TRPM7: variants seen among roughly 807,000 people sequenced by gnomAD.
TRPM7 encodes the protein LTRPC ion channel family member 7.
In TRPM7, 134 loss-of-function variants were observed where a neutral mutation model predicts 229.7. The ratio of observed to expected loss-of-function variants is 0.58; its 90% CI spans 0.51 to 0.67. TRPM7 has a LOEUF of 0.67. Ranked by LOEUF, TRPM7 falls within the 30% of genes least tolerant of loss-of-function variation. The pLI, the probability that TRPM7 is intolerant of heterozygous loss-of-function variation, is 0.00. For synonymous variants in TRPM7, 699 were observed against 715.2 expected, an observed-to-expected ratio of 0.98 and a Z score of 0.36; for missense variants, 1,901 against 2,210.0, an observed-to-expected ratio of 0.86 and a Z score of 2.80.
intron 27 of TRPM7, among the ~76,000 whole-genome samples, chr15:50,588,829 T>G (rs991363356): frequency 6.6e-6 from 1 of 152,258 alleles, no homozygotes; most frequent in Non-Finnish European, 1.5e-5. Flanking sequence ...TTTTGCCAGC[T>G]GTTCTACATA....
intron 31 of TRPM7, among the ~76,000 whole-genome samples, chr15:50,576,724 T>G (rs943218528): frequency 6.6e-6 from 1 of 152,208 alleles, no homozygotes; most frequent in Non-Finnish European, 1.5e-5. Context: ...TACAAATGAT[T>G]TGAATATGCA....
intron 16 of TRPM7, among the ~76,000 whole-genome samples, chr15:50,611,655 G>A (rs2060065500): frequency 6.6e-6 from 1 of 152,152 alleles, no homozygotes; most frequent in South Asian, 2.1e-4. Context: ...TTCAAACACA[G>A]AAAACAGTTG....
chr15:50,620,815 C>A (rs1272875451), intron 12 of TRPM7, among the ~76,000 whole-genome samples: 1 of 152,024 alleles, frequency 6.6e-6, no homozygotes, highest in Non-Finnish European at 1.5e-5. Context: ...GCCTTTAATT[C>A]CAGGTACTCG....
intron 13 of TRPM7, 112 bp from the exon 14 acceptor site, chr15:50,614,375 G>T: frequency 9.7e-7 from 1 of 1,029,712 alleles, no homozygotes; most frequent in Non-Finnish European, 1.4e-6. Context: ...CTTCTTATAA[G>T]AAGCAAGGGC....
At chr15:50,585,281 T>C (rs1392435709) in intron 28 of TRPM7, among the ~76,000 whole-genome samples, 1 of 152,190 alleles carries the variant, frequency 6.6e-6, no homozygotes, top group African/African-American at 2.4e-5. Flanking sequence ...CAGGATGGTC[T>C]TGAACTCCTG....
intron 38 of TRPM7, among the ~76,000 whole-genome samples, chr15:50,567,578 A>G (rs1359907521): frequency 6.6e-6 from 1 of 152,172 alleles, no homozygotes; most frequent in Non-Finnish European, 1.5e-5. Context: ...TCAACCTATT[A>G]TTGAAAACTG....
In TRPM7 at chr15:50,574,995, C is replaced by T; in HGVS notation, c.4876G>A (p.Ala1626Thr). ...KEEMGGGLRRAVKVQCTWSEH... is the reference protein window; with the variant it reads ...KEEMGGGLRRTVKVQCTWSEH... ...GACCAGGTACACTGTACTTTGACAG[C>T]TCTTCGTAAACCTCCTCCCATCTCC... Residue 1626 changes from alanine to threonine, a missense_variant, in exon 34 of 39, where the codon GCT (alanine) becomes ACT (threonine). Physicochemically the swap from Ala to Thr is moderately conservative, Grantham distance 58 (BLOSUM62 0). Coordinates refer to ENST00000646667, the MANE Select transcript of TRPM7 (RefSeq NM_017672.6). The T allele has an allele frequency of 1.2e-6, 2 of 1,614,094 alleles. No individual in the cohort carries two copies. Among genetic ancestry groups the T allele is most frequent in the Non-Finnish European group, 1.7e-6 (2 of 1,179,996 alleles).
intron 19 of TRPM7, 139 bp from the exon 20 acceptor site, chr15:50,607,467 A>G: frequency 1.5e-6 from 1 of 688,404 alleles, no homozygotes; most frequent in Non-Finnish European, 2.3e-6. Flanking sequence ...TATTAAAACA[A>G]TTTTAGAAAT....
At position 50,580,887 on chromosome 15, in the gene TRPM7, A is replaced by G; in HGVS notation, c.4579T>C (p.Ser1527Pro). The G allele has an allele frequency of 2.5e-6, 4 of 1,585,820 alleles. No homozygotes were observed. Among genetic ancestry groups the G allele is most frequent in the Non-Finnish European group, 3.4e-6 (4 of 1,171,016 alleles). The change falls in exon 30 of 39, where the codon TCA (serine) becomes CCA (proline). Residue 1527 changes from serine (S) to proline (P), a missense_variant. Physicochemically the swap from Ser to Pro is moderately conservative, Grantham distance 74. Around this residue, in one of 8 missense-constraint regions of TRPM7, gnomAD observed 533 missense variants for 497.1 expected, o/e 1.07. Coordinates refer to ENST00000646667, the MANE Select transcript of TRPM7 (RefSeq NM_017672.6). ...AAGCTTACTTACATTTCTCTGTTTG[A>G]TGGTCTATCTTGTAACCAATCCTTC... ...LIPDWLQDRPSNREMPSEEGT... is the reference protein window; with the variant it reads ...LIPDWLQDRPPNREMPSEEGT...
rs1225785772 is a variant in TRPM7 at position 50,574,643 on chromosome 15, G to A, written c.5096C>T (p.Ser1699Phe). ...AAAAAAATTAAAGATTTACCTTGGA[G>A]AATATGGTATGGATTTGGGTTTCAT... ...NQMKPKSIPYSPRFLEVFLLY... is the reference protein window; with the variant it reads ...NQMKPKSIPYFPRFLEVFLLY... The change falls in exon 35 of 39, where the codon TCT becomes TTT. Residue 1699 changes from serine (S) to phenylalanine (F), a missense_variant. This residue lies in a region of TRPM7 where 257 missense variants were observed against 352.0 expected (regional missense o/e 0.73). Transcript: ENST00000646667. 1 of 1,612,522 alleles carries A rather than the reference G, an allele frequency of 6.2e-7. No individual in the cohort carries two copies. Among genetic ancestry groups the A allele is most frequent in the Non-Finnish European group, 8.5e-7 (1 of 1,179,358 alleles).
intron 10 of TRPM7, 44 bp from the exon 11 acceptor site, chr15:50,628,293 C>T (rs1567039297): frequency 7.2e-7 from 1 of 1,389,106 alleles, no homozygotes; most frequent in South Asian, 1.2e-5. Context: ...ATTAATTTAT[C>T]TCCATTAAAA....
chr15:50,611,437 A>C, intron 16 of TRPM7, 116 bp from the exon 17 acceptor site: 2 of 746,508 alleles, frequency 2.7e-6, no homozygotes, highest in Non-Finnish European at 4.3e-6. Context: ...CACTTACAGA[A>C]TTATGAGGCA....
At chr15:50,652,096 G>GC (rs765892564) in intron 3 of TRPM7, among the ~76,000 whole-genome samples, 29 of 151,678 alleles carry the variant, frequency 1.9e-4, no homozygotes, top group Non-Finnish European at 3.5e-4. Context: ...ACTTCAGGGG[G>GC]CCGAGGCGGG....
intron 33 of TRPM7, 116 bp downstream of exon 33, chr15:50,575,608 A>C: frequency 1.1e-6 from 1 of 888,090 alleles, no homozygotes; most frequent in Non-Finnish European, 1.7e-6. Context: ...AGATTAATCA[A>C]GAATTTATTT....
At chr15:50,633,592 C>A (rs2060801473) in intron 8 of TRPM7, among the ~76,000 whole-genome samples, 1 of 152,196 alleles carries the variant, frequency 6.6e-6, no homozygotes, top group Non-Finnish European at 1.5e-5. Flanking sequence ...TGCTTCTCTA[C>A]ACCTTCCTTT....
intron 6 of TRPM7, 74 bp from the exon 7 acceptor site, chr15:50,637,667 T>A: frequency 7.7e-7 from 1 of 1,305,708 alleles, no homozygotes. Context: ...TTTGAAATAA[T>A]CCGTAAAGAC....
At position 50,662,997 on chromosome 15, in the gene TRPM7, T is replaced by C. The variant is rs2061772590; in HGVS notation, c.53A>G (p.Tyr18Cys). 2 of 1,613,822 alleles carry C rather than the reference T, an allele frequency of 1.2e-6. No individual in the cohort carries two copies. The highest frequency in any genetic ancestry group is 1.7e-4 in the Middle Eastern group (1 of 6,060). The change falls in exon 2 of 39, where the codon TAT (tyrosine) becomes TGT (cysteine). Residue 18 changes from tyrosine to cysteine, a missense_variant. Around this residue, in one of 8 missense-constraint regions of TRPM7, gnomAD observed 794 missense variants for 881.9 expected, o/e 0.90. Transcript: ENST00000646667. ...AGGGTCCTTGGAACTTGGTATAATA[T>C]ATACACATTCCCTCTTGGTCAAAGT... ...ESTLTKRECV[Y>C]IIPSSKDPHR...
intron 25 of TRPM7, 53 bp downstream of exon 25, chr15:50,593,564 C>T (rs1022030793): frequency 1.5e-5 from 23 of 1,558,824 alleles, no homozygotes; most frequent in Middle Eastern, 1.9e-4. Flanking sequence ...AGAAATATAA[C>T]GAATAGATCC....
intron 4 of TRPM7, among the ~76,000 whole-genome samples, chr15:50,647,873 A>C (rs577068352): frequency 6.6e-6 from 1 of 152,346 alleles, no homozygotes; most frequent in South Asian, 2.1e-4. Context: ...ACATGTGTAG[A>C]CTTTATTTAC....
Sources: gnomAD v4.1 joint callset for allele counts (sites outside exome capture counted in the v4.1 genomes callset) on GRCh38, gnomAD v4.1.1 for gene constraint, gnomAD v4.1.1 regional missense constraint, MANE v1.5 for transcripts, NCBI Gene and HGNC (gene_info 2026-07-23, HGNC 2026-07-21) for gene names.